The following ANK3 variants were observed in gnomAD, a reference collection of about 807,000 sequenced individuals.
The protein encoded by ANK3 is ankyrin-3.
A neutral mutation model predicts 370.9 loss-of-function variants in ANK3; 57 were observed. That is an observed-to-expected ratio of 0.15 (90% CI 0.12 to 0.19). The LOEUF is 0.19. ANK3 is among the 10% of genes least tolerant of loss of function. The pLI, the probability that ANK3 is intolerant of heterozygous loss-of-function variation, is 1.00. For synonymous variants in ANK3, 1,929 were observed against 1,946.3 expected (o/e 0.99, Z 0.23); for missense variants, 4,439 against 5,302.1 (o/e 0.84, Z 5.06).
At chr10:60,163,400 C>T (rs2095545641) in intron 23 of ANK3, among the ~76,000 whole-genome samples, 1 of 152,218 alleles carries the variant, frequency 6.6e-6, no homozygotes, top group Non-Finnish European at 1.5e-5. Context: ...AGTTGCTTGA[C>T]TTCTTCTACG....
intron 23 of ANK3, among the ~76,000 whole-genome samples, chr10:60,161,316 G>C (rs1371236044): frequency 6.6e-6 from 1 of 152,088 alleles, no homozygotes; most frequent in Non-Finnish European, 1.5e-5. Context: ...CTATAGAGAA[G>C]AGTATGGAGG....
chr10:60,635,232 G>C (rs2078537698), intron 1 of ANK3, among the ~76,000 whole-genome samples: 2 of 151,974 alleles, frequency 1.3e-5, no homozygotes, highest in Admixed American at 6.6e-5. Context: ...TTAAAAGGTG[G>C]TTACACCTAA....
chr10:60,288,545 T>C (rs1310989335), intron 1 of ANK3, among the ~76,000 whole-genome samples: 1 of 151,762 alleles, frequency 6.6e-6, no homozygotes, highest in African/African-American at 2.4e-5. Context: ...ATTTGGTCAG[T>C]GGAGAATAAA....
intron 42 of ANK3, chr10:60,050,877 T>C (rs900668532): frequency 2.0e-5 from 3 of 152,172 alleles, no homozygotes; most frequent in African/African-American, 7.2e-5. Flanking sequence ...TTTTTTCTTG[T>C]GTGTTAGTAA....
At chr10:60,652,978 T>C (rs2078811676) in intron 1 of ANK3, among the ~76,000 whole-genome samples, 1 of 152,150 alleles carries the variant, frequency 6.6e-6, no homozygotes, top group Non-Finnish European at 1.5e-5. Context: ...TTTGACCAAA[T>C]ATATATTTTC....
intron 28 of ANK3, among the ~76,000 whole-genome samples, chr10:60,098,080 A>G (rs914308209): frequency 6.6e-6 from 1 of 152,184 alleles, no homozygotes; most frequent in African/African-American, 2.4e-5. Context: ...AAGTTCCTGA[A>G]CTTCTCTGAG....
At chr10:60,105,454 C>T (rs945398007) in intron 28 of ANK3, among the ~76,000 whole-genome samples, 1 of 151,834 alleles carries the variant, frequency 6.6e-6, no homozygotes, top group Admixed American at 6.6e-5. Context: ...TAATTATGGC[C>T]CAAGAGAAAT....
At chr10:60,430,171 G>A (rs1039610729) in intron 2 of ANK3, among the ~76,000 whole-genome samples, 3 of 152,188 alleles carry the variant, frequency 2.0e-5, no homozygotes, top group African/African-American at 7.2e-5. Flanking sequence ...CACCAGTGTG[G>A]TAGATGGCTC....
rs765605806 is a variant in ANK3, at chr10:60,071,749, G to A, written c.9132C>T (p.Ser3044=). 1.3e-6 allele frequency: 2 copies of A among 1,598,074 alleles called. No individual in the cohort carries two copies. Among genetic ancestry groups the A allele is most frequent in the Non-Finnish European group, 1.7e-6 (2 of 1,174,086 alleles). ...LCPPLEETET[S]PTKSPDSLEF... is the part of the protein sequence containing the mutation. Reference sequence around the variant, plus strand: ...CTAAAGAATCAGGAGATTTGGTGGGGGAGGTTTCGGTTTCCTCGAGAGGTG... The same window carrying A: ...CTAAAGAATCAGGAGATTTGGTGGGAGAGGTTTCGGTTTCCTCGAGAGGTG... The change falls in exon 37 of 44, where the codon TCC becomes TCT. Residue 3044 remains serine (S), a synonymous_variant. Transcript: ENST00000280772.
chr10:60,184,522 T>C (rs553355627), intron 17 of ANK3, among the ~76,000 whole-genome samples: 56 of 152,358 alleles, frequency 3.7e-4, no homozygotes, highest in African/African-American at 1.3e-3. Context: ...GGAAAGCCAG[T>C]TGATCTTTTA....
intron 43 of ANK3, among the ~76,000 whole-genome samples, chr10:60,037,233 A>G (rs1447910807): frequency 1.3e-5 from 2 of 152,012 alleles, no homozygotes; most frequent in Non-Finnish European, 2.9e-5. Flanking sequence ...TCCATTCTCT[A>G]GATAGTCCGT....
At chr10:60,079,463 A>C (rs768758554) in intron 36 of ANK3, among the ~76,000 whole-genome samples, 1 of 152,192 alleles carries the variant, frequency 6.6e-6, no homozygotes, top group East Asian at 1.9e-4. Flanking sequence ...GTGGTGCAGT[A>C]GTGTCCTGCC....
At position 60,536,234 on chromosome 10, in the gene ANK3, T is replaced by G. The variant is rs148822762; in HGVS notation, c.96+78952A>C. ...TTTCTGTTGAGATGGTGATCACTGA[T>G]TTTATAATTGCAGATGAAAAATGTG... is the stretch of plus-strand genomic sequence containing the variant. On this transcript the variant is annotated intron_variant, in intron 2 of 43. Coordinates refer to the ANK3 transcript ENST00000373827. Among the ~76,000 whole-genome samples, 301 of 152,210 alleles carry G rather than the reference T, an allele frequency of 2.0e-3. 1 individual carries two copies. The highest frequency in any genetic ancestry group is 6.9e-3 in the African/African-American group (285 of 41,574).
chr10:60,072,389 T>G lies in ANK3; in HGVS notation c.8492A>C (p.Lys2831Thr). ...MPDSFSEQQA[K>T]DLACHITSDL... ...TGAGGTTATATGACATGCCAAGTCT[T>G]TAGCCTGCTGCTCAGAAAAAGAGTC... The change falls in exon 37 of 44, where the codon AAA (lysine) becomes ACA (threonine). Residue 2831 changes from lysine (K) to threonine (T), a missense_variant. Coordinates refer to ENST00000280772, the MANE Select transcript of ANK3 (RefSeq NM_020987.5). 3 of 1,614,052 alleles carry G rather than the reference T, an allele frequency of 1.9e-6. No individual in the cohort carries two copies. Among genetic ancestry groups the G allele is most frequent in the Middle Eastern group, 1.7e-4 (1 of 6,056 alleles).
intron 38 of ANK3, among the ~76,000 whole-genome samples, chr10:60,065,527 A>G (rs966869828): frequency 4.6e-5 from 7 of 152,234 alleles, no homozygotes; most frequent in African/African-American, 1.7e-4. Context: ...AGTGATTCAC[A>G]TTTAGAAATT....
chr10:60,579,349 A>AAAAAAT (rs2077721409), intron 2 of ANK3, among the ~76,000 whole-genome samples: 3 of 147,428 alleles, frequency 2.0e-5, no homozygotes, highest in African/African-American at 7.4e-5. Context: ...AAAAAAAAAA[A>AAAAAAT]AGATATTTCT....
At chr10:60,694,488 A>G (rs2079411693) in intron 1 of ANK3, among the ~76,000 whole-genome samples, 1 of 152,190 alleles carries the variant, frequency 6.6e-6, no homozygotes, top group African/African-American at 2.4e-5. Flanking sequence ...TGTTAAGGGC[A>G]GCCAGAGAGA....
At chr10:60,393,614 G>C (rs1210731020), upstream of ANK3, among the ~76,000 whole-genome samples, 1 of 152,112 alleles carries the variant, frequency 6.6e-6, no homozygotes, top group Non-Finnish European at 1.5e-5. Context: ...AAAGACTTTA[G>C]ATATCACAGC....
Position 60,070,087 on chromosome 10 carries a change from A to T in ANK3, c.10794T>A (p.Pro3598=). ...PTDESTPTSE[P]NPFPFHEGKM... ...TTCCTTCATGAAATGGGAAGGGGTT[A>T]GGCTCACTAGTTGGGGTACTTTCAT... Residue 3598 remains proline (P), a synonymous_variant, in exon 37 of 44, where the codon CCT becomes CCA. Transcript: ENST00000280772. The surrounding 1 kb of genome is among the most constrained non-coding windows in gnomAD (Gnocchi z 5.7). 6.2e-7 allele frequency: 1 copy of T among 1,614,162 alleles called. No individual in the cohort carries two copies. Among genetic ancestry groups the T allele is most frequent in the Non-Finnish European group, 8.5e-7 (1 of 1,180,014 alleles).
Sources: allele counts gnomAD v4.1 joint callset (sites outside exome capture counted in the v4.1 genomes callset), GRCh38; gene constraint gnomAD v4.1.1; non-coding constraint Gnocchi (gnomAD v3.1); transcripts MANE v1.5; gene names NCBI Gene and HGNC (gene_info 2026-07-23, HGNC 2026-07-21).